The following MX1 variants were observed in gnomAD, a reference collection of about 807,000 sequenced individuals.
MX1 encodes MX dynamin like GTPase 1, also known as interferon-induced GTP-binding protein Mx1.
MX1 carries 66 observed loss-of-function variants against 66.4 expected under a neutral mutation model. That is an observed-to-expected ratio of 0.99 (90% CI 0.82 to 1.22). MX1 has a LOEUF of 1.22. Ranked by LOEUF, MX1 falls within the 50% of genes most tolerant of loss-of-function variation. MX1 has a pLI of 0.00. For synonymous variants in MX1, 311 were observed against 318.1 expected, an observed-to-expected ratio of 0.98 and a Z score of 0.24; for missense variants, 787 against 834.3, an observed-to-expected ratio of 0.94 and a Z score of 0.70.
intron 6 of MX1, 151 bp downstream of exon 6, chr21:41,436,180 A>T: frequency 2.2e-6 from 2 of 923,886 alleles, no homozygotes; most frequent in South Asian, 3.5e-5. Flanking sequence ...GCCTTTCTCC[A>T]TGGCTTGCAG....
intron 5 of MX1, among the ~76,000 whole-genome samples, chr21:41,434,446 G>A (rs927697371): frequency 6.6e-6 from 1 of 152,116 alleles, no homozygotes; most frequent in Non-Finnish European, 1.5e-5. Context: ...TATTTAATGT[G>A]ACTGGTAATA....
At position 41,441,055 on chromosome 21, in the gene MX1, G is replaced by GTGAGAATGGGGGAGCCTGCCTGTGCTCGA. The variant is rs2090494889; in HGVS notation, c.730+46_730+47insTGCCTGTGCTCGATGAGAATGGGGGAGCC. On this transcript the variant is annotated intron_variant, in intron 9 of 16. Transcript: ENST00000398598. This position sits in a 1 kb window ranked among gnomAD's most constrained non-coding sequence, Gnocchi z 4.0. The stretch of plus-strand genomic sequence containing the variant: ...GAGTGGGGGAGCCCCACTGTGCTCA[G>GTGAGAATGGGGGAGCCTGCCTGTGCTCGA]TGAGAATGGGGGAGCCCGCCTGTGC... 4.7e-6 allele frequency: 7 copies of GTGAGAATGGGGGAGCCTGCCTGTGCTCGA among 1,504,146 alleles called. No homozygotes were observed. The highest frequency in any genetic ancestry group is 1.5e-5 in the African/African-American group (1 of 68,368). The allele number at this position is 1,504,146 out of a possible 1,614,324, so 93.2% of individuals were successfully genotyped here.
In MX1 at chr21:41,459,095, TTCC is replaced by T. The variant is rs1345490185; in HGVS notation, c.*340_*342del. 1 of 394,292 alleles carries T rather than the reference TTCC, an allele frequency of 2.5e-6. No individual in the cohort carries two copies. Among genetic ancestry groups the T allele is most frequent in the East Asian group, 4.4e-5 (1 of 22,582 alleles). The allele number at this position is 394,292 out of a possible 1,614,324, so 24.4% of individuals were successfully genotyped here. A position where few individuals can be genotyped will look rare whatever the true frequency, so the allele number is the denominator to read the frequency against. On this transcript the variant is annotated 3_prime_UTR_variant, in exon 17 of 17. Coordinates refer to ENST00000398598, the MANE Select transcript of MX1 (RefSeq NM_002462.5). Reference sequence around the variant, plus strand: ...ACACATGCTGAACATCACAGCTTATTTCCTCATTTTTATAATGTCCCTTCACAA... The same window carrying T: ...ACACATGCTGAACATCACAGCTTATTTCATTTTTATAATGTCCCTTCACAA...
intron 11 of MX1, among the ~76,000 whole-genome samples, chr21:41,444,792 A>G (rs1212771594): frequency 6.6e-6 from 1 of 152,126 alleles, no homozygotes; most frequent in Non-Finnish European, 1.5e-5. Flanking sequence ...TTACCTAGAC[A>G]GATGCCCTTG....
rs755331137 is a variant in MX1 at position 41,451,197 on chromosome 21, C to T, written c.1463C>T (p.Ser488Leu). 6.8e-6 allele frequency: 11 copies of T among 1,611,420 alleles called. No individual in the cohort carries two copies. Among genetic ancestry groups the T allele is most frequent in the Middle Eastern group, 1.7e-4 (1 of 6,042 alleles). ...GTCCGGCTTGCTTTCACAGATGTTT[C>T]GATAAAAAATTTTGAAGAGTTTTTT... Reference protein sequence around the residue: ...DMVRLAFTDVSIKNFEEFFNL... With the variant: ...DMVRLAFTDVLIKNFEEFFNL... The change falls in exon 15 of 17, where the codon TCG (serine) becomes TTG (leucine). Residue 488 changes from serine (S) to leucine (L), a missense_variant. Ser to Leu is a moderately radical substitution (Grantham distance 145, BLOSUM62 -2). Coordinates refer to ENST00000398598, the MANE Select transcript of MX1 (RefSeq NM_002462.5).
intron 8 of MX1, among the ~76,000 whole-genome samples, chr21:41,440,197 C>T (rs2090468400): frequency 6.6e-6 from 1 of 152,146 alleles, no homozygotes; most frequent in South Asian, 2.1e-4. Flanking sequence ...GGGAAGAGAG[C>T]ATTAAAAATA....
chr21:41,454,397 G>A (rs1357257333), intron 16 of MX1, among the ~76,000 whole-genome samples: 1 of 151,996 alleles, frequency 6.6e-6, no homozygotes. Flanking sequence ...CCAACCTTAT[G>A]ATCTCAATTT....
chr21:41,445,925 G>C (rs112605503), intron 12 of MX1, 75 bp from the exon 13 acceptor site: 3 of 1,571,678 alleles, frequency 1.9e-6, no homozygotes, highest in African/African-American at 2.7e-5. Flanking sequence ...CCTCCACATA[G>C]GCACGGCCTC....
exon 1 of MX1, chr21:41,420,576 A>C (rs1418472060): frequency 6.6e-6 from 1 of 152,156 alleles, no homozygotes; most frequent in Non-Finnish European, 1.5e-5. Flanking sequence ...AATGAAACCG[A>C]AACTGAATTG....
At chr21:41,449,748 C>G (rs924651672) in intron 14 of MX1, 1 of 152,814 alleles carries the variant, frequency 6.5e-6, no homozygotes, top group African/African-American at 2.4e-5. Context: ...CTTCTGTCCC[C>G]ACGGGGTTGG....
At chr21:41,425,373 T>G (rs953262623), upstream of MX1, among the ~76,000 whole-genome samples, 4 of 152,134 alleles carry the variant, frequency 2.6e-5, no homozygotes, top group Non-Finnish European at 5.9e-5. Flanking sequence ...GAATTACAAA[T>G]AACCTTCTTA....
rs372998034 is a variant in MX1 at position 41,458,672 on chromosome 21, G to A, written c.1903G>A (p.Asp635Asn). Residue 635 changes from aspartate to asparagine, a missense_variant, in exon 17 of 17, where the codon GAC becomes AAC. Physicochemically the swap from Asp to Asn is conservative, Grantham distance 23 (BLOSUM62 1). Coordinates refer to ENST00000398598, the MANE Select transcript of MX1 (RefSeq NM_002462.5). ...CAGCTGGCTCCTGAAGGAGCGGAGCGACACCAGCGACAAGCGGAAGTTCCT... is the reference window on the plus strand; with the variant it reads ...CAGCTGGCTCCTGAAGGAGCGGAGCAACACCAGCGACAAGCGGAAGTTCCT... The part of the protein sequence containing the change: ...TYSWLLKERS[D>N]TSDKRKFLKE... The A allele has an allele frequency of 2.9e-5, 47 of 1,614,094 alleles. No homozygotes were observed. The highest frequency in any genetic ancestry group is 6.7e-5 in the East Asian group (3 of 44,892).
intron 4 of MX1, among the ~76,000 whole-genome samples, chr21:41,431,016 A>T (rs1174806273): frequency 1.3e-5 from 2 of 152,190 alleles, no homozygotes; most frequent in Admixed American, 6.6e-5. Flanking sequence ...TTTTAAATGT[A>T]AAGTTTTTGT....
At chr21:41,458,445 C>T in intron 16 of MX1, 83 bp from the exon 17 acceptor site, 1 of 1,503,070 alleles carries the variant, frequency 6.7e-7, no homozygotes, top group Non-Finnish European at 9.0e-7. Context: ...GAATCTGGAT[C>T]CCCTCATGTG....
chr21:41,430,330 A>G (rs1280024471), intron 3 of MX1, among the ~76,000 whole-genome samples: 1 of 152,192 alleles, frequency 6.6e-6, no homozygotes, highest in East Asian at 1.9e-4. Flanking sequence ...ATTTGCAGCA[A>G]AGCTCTGTGC....
At chr21:41,432,204 A>G (rs1042418745) in intron 5 of MX1, 29 bp downstream of exon 5, 1 of 1,602,678 alleles carries the variant, frequency 6.2e-7, no homozygotes. Context: ...GTCGCTATCC[A>G]TGTGACATGA....
chr21:41,458,635 C>G lies in MX1; in HGVS notation c.1866C>G (p.Asp622Glu). The G allele has an allele frequency of 6.2e-7, 1 of 1,614,248 alleles. No individual in the cohort carries two copies. Residue 622 changes from aspartate (D) to glutamate (E), a missense_variant, in exon 17 of 17, where the codon GAC becomes GAG. Asp to Glu is a conservative substitution (Grantham distance 45). Transcript: ENST00000398598. Reference protein sequence around the residue: ...LQKAMLQLLQDKDTYSWLLKE... With the variant: ...LQKAMLQLLQEKDTYSWLLKE... ...AGGCCATGCTGCAGCTCCTGCAGGA[C>G]AAGGACACCTACAGCTGGCTCCTGA... is the stretch of plus-strand genomic sequence containing the variant.
chr21:41,445,382 G>T, intron 11 of MX1, 66 bp from the exon 12 acceptor site: 1 of 1,575,334 alleles, frequency 6.3e-7, no homozygotes, highest in Admixed American at 1.7e-5. Flanking sequence ...AGGGAGGCCC[G>T]GGACCTCCTT....
chr21:41,433,562 T>C (rs554591375), intron 5 of MX1, among the ~76,000 whole-genome samples: 3 of 152,318 alleles, frequency 2.0e-5, no homozygotes, highest in African/African-American at 4.8e-5. Flanking sequence ...ACAGGAAATA[T>C]ACAAAATGAT....
Sources: gnomAD v4.1 joint callset for allele counts (sites outside exome capture counted in the v4.1 genomes callset) on GRCh38, gnomAD v4.1.1 for gene constraint, Gnocchi (gnomAD v3.1) non-coding constraint, MANE v1.5 for transcripts, NCBI Gene and HGNC (gene_info 2026-07-23, HGNC 2026-07-21) for gene names.